The following PGAP4 variants were observed in gnomAD, a reference collection of about 807,000 sequenced individuals.
PGAP4 encodes post-GPI attachment to proteins GalNAc transferase 4.
In PGAP4, 12 loss-of-function variants were observed where a neutral mutation model predicts 28.2. That is an observed-to-expected ratio of 0.42 (90% CI 0.27 to 0.69). PGAP4 has a LOEUF of 0.69. Among genes scored for constraint, PGAP4 ranks in the 30% least tolerant of loss-of-function variants. PGAP4 has a pLI of 0.22. For missense variants in PGAP4, 425 were observed against 513.5 expected (o/e 0.83, Z 1.67); for synonymous variants, 205 against 211.8 (o/e 0.97, Z 0.28).
chr9:101,477,189 G>T lies in PGAP4; in HGVS notation c.-77-20C>A. ...TCAAACCTAAAGAGAGAGGAAGTAG[G>T]GAATGGTAAGAGTAACTTAAAAAAA... On this transcript the variant is annotated intron_variant, in intron 1 of 1. Coordinates refer to ENST00000374848, the MANE Select transcript of PGAP4 (RefSeq NM_032342.3). 1 of 1,434,304 alleles carries T rather than the reference G, an allele frequency of 7.0e-7. No homozygotes were observed. Among genetic ancestry groups the T allele is most frequent in the East Asian group, 2.5e-5 (1 of 40,182 alleles). 88.8% of individuals were successfully genotyped at this position (1,434,304 alleles called of 1,614,324 possible). A position where few individuals can be genotyped will look rare whatever the true frequency, so the allele number is the denominator to read the frequency against.
chr9:101,511,481 G>C (rs1219782648), intron 2 of PGAP4, among the ~76,000 whole-genome samples: 1 of 152,146 alleles, frequency 6.6e-6, no homozygotes, highest in Non-Finnish European at 1.5e-5. Context: ...TTCTAAGCAT[G>C]AAAAAGAATA....
At chr9:101,513,647 G>A (rs1260185669) in intron 2 of PGAP4, among the ~76,000 whole-genome samples, 1 of 152,032 alleles carries the variant, frequency 6.6e-6, no homozygotes, top group African/African-American at 2.4e-5. Context: ...AGGATTTTTA[G>A]AGGAACAGAA....
intron 1 of PGAP4, among the ~76,000 whole-genome samples, chr9:101,483,056 C>G (rs559005844): frequency 1.3e-5 from 2 of 152,300 alleles, no homozygotes; most frequent in South Asian, 4.1e-4. Flanking sequence ...TTCTATGATG[C>G]CTGTTGTCTT....
At chr9:101,514,121 A>G (rs1217841714) in intron 2 of PGAP4, among the ~76,000 whole-genome samples, 4 of 152,002 alleles carry the variant, frequency 2.6e-5, no homozygotes, top group African/African-American at 4.8e-5. Flanking sequence ...CACCACTGGG[A>G]ACACCCTCAC....
At chr9:101,528,099 G>C (rs1223299038) in intron 2 of PGAP4, among the ~76,000 whole-genome samples, 1 of 152,178 alleles carries the variant, frequency 6.6e-6, no homozygotes, top group Non-Finnish European at 1.5e-5. Context: ...CATTTTTTAA[G>C]TTTTAAAAGT....
At chr9:101,531,945 G>T (rs1827094530) in intron 1 of PGAP4, among the ~76,000 whole-genome samples, 1 of 152,332 alleles carries the variant, frequency 6.6e-6, no homozygotes, top group East Asian at 1.9e-4. Flanking sequence ...AGAATAACAT[G>T]ATCTATTAAT....
In PGAP4 at chr9:101,528,394, C is replaced by A. The variant is rs1222074955; in HGVS notation, c.-165+2954G>T. ...CCATGAAAACCTAAATTCTCCTTTA[C>A]CTAGTTTGACAAATGCCCTCAGCTG... On this transcript the variant is annotated intron_variant, in intron 2 of 3. Transcript: ENST00000374851. Among the ~76,000 whole-genome samples, 3 of 152,130 alleles carry A rather than the reference C, an allele frequency of 2.0e-5. No individual in the cohort carries two copies. The East Asian group carries it at 5.8e-4, about 29-fold the overall frequency.
At position 101,474,986 on chromosome 9, in the gene PGAP4, G is replaced by GCTTTTTTTTTTTTTTTTT. The variant is rs148013361; in HGVS notation, c.*894_*895insAAAAAAAAAAAAAAAAAG. Reference sequence around the variant, plus strand: ...GTCAGGTCTTCTGACTTCAGTCCATGATTTTTTTTTTTTTTTTTCTATAAC... The same window carrying GCTTTTTTTTTTTTTTTTT: ...GTCAGGTCTTCTGACTTCAGTCCATGCTTTTTTTTTTTTTTTTTATTTTTTTTTTTTTTTTTCTATAAC... On this transcript the variant is annotated 3_prime_UTR_variant, in exon 2 of 2. Transcript: ENST00000374848. 1 of 141,536 alleles carries GCTTTTTTTTTTTTTTTTT rather than the reference G, an allele frequency of 7.1e-6. No individual in the cohort carries two copies. The highest frequency in any genetic ancestry group is 1.5e-5 in the Non-Finnish European group (1 of 65,852). The allele number at this position is 141,536 out of a possible 1,614,324, so 8.8% of individuals were successfully genotyped here.
At chr9:101,490,480 G>A (rs990704894), upstream of PGAP4, among the ~76,000 whole-genome samples, 1 of 152,172 alleles carries the variant, frequency 6.6e-6, no homozygotes, top group Non-Finnish European at 1.5e-5. Context: ...GTGAGCCACT[G>A]CGCTCAGCCC....
intron 2 of PGAP4, among the ~76,000 whole-genome samples, chr9:101,516,142 A>T (rs1826941603): frequency 6.6e-6 from 1 of 152,158 alleles, no homozygotes; most frequent in Non-Finnish European, 1.5e-5. Context: ...ATTATGGTGT[A>T]TCAATTACCT....
chr9:101,496,420 A>G (rs914793076), intron 2 of PGAP4, among the ~76,000 whole-genome samples: 36 of 151,692 alleles, frequency 2.4e-4, no homozygotes, highest in African/African-American at 8.4e-4. Flanking sequence ...TTTTAGAATT[A>G]AAAATCAAAA....
intron 2 of PGAP4, among the ~76,000 whole-genome samples, chr9:101,504,297 A>G (rs1826831433): frequency 6.8e-6 from 1 of 146,740 alleles, no homozygotes; most frequent in African/African-American, 2.5e-5. Context: ...TCTACCTTAC[A>G]AAAAAACCAC....
chr9:101,483,192 T>C (rs1262749803), intron 1 of PGAP4, among the ~76,000 whole-genome samples: 1 of 152,194 alleles, frequency 6.6e-6, no homozygotes, highest in Non-Finnish European at 1.5e-5. Context: ...GCATAGAAGA[T>C]GCTCAATGCT....
chr9:101,490,628 GTCC>G (rs1826678853), upstream of PGAP4, among the ~76,000 whole-genome samples: 1 of 152,202 alleles, frequency 6.6e-6, no homozygotes, highest in Admixed American at 6.5e-5. Flanking sequence ...TCTAGATATA[GTCC>G]TCCTTGATTT....
At chr9:101,493,234 C>A (rs1826707397) in intron 2 of PGAP4, among the ~76,000 whole-genome samples, 1 of 141,280 alleles carries the variant, frequency 7.1e-6, no homozygotes, top group Non-Finnish European at 1.5e-5. Flanking sequence ...AGCCTGGTGA[C>A]AGAGCGAGAC....
intron 2 of PGAP4, among the ~76,000 whole-genome samples, chr9:101,502,979 A>T (rs982697946): frequency 1.3e-5 from 2 of 152,126 alleles, no homozygotes; most frequent in African/African-American, 4.8e-5. Context: ...TGCACAAAGC[A>T]TGTGGCACAA....
chr9:101,499,327 C>T (rs1001974473), intron 2 of PGAP4, among the ~76,000 whole-genome samples: 7 of 151,820 alleles, frequency 4.6e-5, no homozygotes, highest in African/African-American at 1.7e-4. Flanking sequence ...CAAAAGCCAT[C>T]AATTTCTTCC....
At chr9:101,531,217 CACACACACACACACACACACACAG>C (rs1423677636) in intron 2 of PGAP4, 33 of 152,284 alleles carry the variant, frequency 2.2e-4, no homozygotes, top group African/African-American at 7.5e-4. Context: ...CACACACACA[CACACACACACACACACACACACAG>C]AGTTGATTTT....
intron 2 of PGAP4, chr9:101,501,738 C>G: frequency 1.9e-6 from 1 of 519,132 alleles, no homozygotes; most frequent in South Asian, 1.4e-5. Context: ...TTCCAGGGCT[C>G]TGGGTTATTC....
Sources: gnomAD v4.1 joint callset for allele counts (sites outside exome capture counted in the v4.1 genomes callset) on GRCh38, gnomAD v4.1.1 for gene constraint, MANE v1.5 for transcripts, NCBI Gene and HGNC (gene_info 2026-07-23, HGNC 2026-07-21) for gene names.